Variants in ANHX observed in about 807,000 individuals in gnomAD.
ANHX encodes the protein anomalous homeobox.
In ANHX, 20 loss-of-function variants were observed where a neutral mutation model predicts 38.9. That is an observed-to-expected ratio of 0.51 (90% CI 0.36 to 0.75). The LOEUF (loss-of-function observed/expected upper bound fraction) is 0.75. Among genes scored for constraint, ANHX ranks in the 30% least tolerant of loss-of-function variants. The probability of loss-of-function intolerance (pLI) is 0.00; values close to 1 mark genes in which losing one functional copy is unlikely to be tolerated. For synonymous variants in ANHX, 185 were observed against 203.1 expected, an observed-to-expected ratio of 0.91 and a Z score of 0.76; for missense variants, 475 against 493.1, an observed-to-expected ratio of 0.96 and a Z score of 0.35.
rs569365094 is a variant in ANHX at position 133,227,944 on chromosome 12, G to A, written c.381C>T (p.Asn127=). Residue 127 remains asparagine (N), a synonymous_variant, in exon 4 of 10, where the codon AAC becomes AAT. Coordinates refer to ENST00000545940, the MANE Select transcript of ANHX (RefSeq NM_001372060.1). ...PVQKFRCRKR[N]PPPPSLCPEG... ...CTGGGCAGAGGGAGGGGGGCGGGGG[G>A]TTCCTGGGTAAGGACAGTGAGGAGG... The A allele has an allele frequency of 1.5e-4, 234 of 1,514,646 alleles. No homozygotes were observed. In the Middle Eastern group the frequency reaches 1.9e-3, roughly 12 times the overall value. 93.8% of individuals were successfully genotyped at this position (1,514,646 alleles called of 1,614,324 possible).
chr12:133,224,736 C>A lies in ANHX; in HGVS notation c.1132+800G>T, dbSNP rs185099116. Among the ~76,000 whole-genome samples the A allele has an allele frequency of 2.7e-3, 402 of 148,664 alleles. 1 individual carries two copies. Among genetic ancestry groups the A allele is most frequent in the African/African-American group, 9.0e-3 (361 of 39,998 alleles). On this transcript the variant is annotated intron_variant, in intron 7 of 9. Coordinates refer to ENST00000545940, the MANE Select transcript of ANHX (RefSeq NM_001372060.1). The stretch of plus-strand genomic sequence containing the variant: ...ATCCCAGCACTTTGGGAGGCCGAGG[C>A]GGGCGGATCATGAGGTCAGGAGATC...
At chr12:133,231,341 G>C (rs1957271465) in intron 3 of ANHX, among the ~76,000 whole-genome samples, 176 bp downstream of exon 3, 1 of 152,212 alleles carries the variant, frequency 6.6e-6, no homozygotes, top group African/African-American at 2.4e-5. Context: ...GCACAGGTGT[G>C]ACACACACTG....
chr12:133,234,302 CCGGGGG>C lies in ANHX; in HGVS notation c.49_54del (p.Pro17_Pro18del). The C allele has an allele frequency of 2.0e-6, 3 of 1,536,132 alleles. No homozygotes were observed. Among genetic ancestry groups the C allele is most frequent in the Non-Finnish European group, 2.6e-6 (3 of 1,146,896 alleles). ...CTGCCCGCAAGGGTCACCAGCTCCG[CCGGGGG>C]TGCACAGGTGTCCTCATGCTCCTTC... is the stretch of plus-strand genomic sequence containing the variant. On this transcript the variant is annotated inframe_deletion, in exon 2 of 10. Coordinates refer to ENST00000545940, the MANE Select transcript of ANHX (RefSeq NM_001372060.1).
rs987374846 is a variant in ANHX, at chr12:133,218,618, T to C, written c.*267A>G. 6.4e-6 allele frequency: 2 copies of C among 311,824 alleles called. No homozygotes were observed. The highest frequency in any genetic ancestry group is 4.3e-5 in the African/African-American group (2 of 46,548). The allele number at this position is 311,824 out of a possible 1,614,324, so 19.3% of individuals were successfully genotyped here. ...CACGAGTGCCCCGGAGCCCGACTGA[T>C]CCAGTGCTGCGTGAGTGGGACAGAC... On this transcript the variant is annotated 3_prime_UTR_variant, in exon 10 of 10. Transcript: ENST00000545940.
At chr12:133,223,821 C>A (rs1030790258) in intron 7 of ANHX, among the ~76,000 whole-genome samples, 1 of 151,372 alleles carries the variant, frequency 6.6e-6, no homozygotes, top group Non-Finnish European at 1.5e-5. Context: ...GGACCCTCAG[C>A]GTGAAATTTC....
intron 2 of ANHX, among the ~76,000 whole-genome samples, chr12:133,232,632 C>T (rs1957299152): frequency 6.6e-6 from 1 of 152,208 alleles, no homozygotes. Flanking sequence ...TCCCAGGTCT[C>T]AGCCGCAAGT....
chr12:133,226,571 T>C, intron 5 of ANHX, 133 bp from the exon 6 acceptor site: 1 of 1,319,504 alleles, frequency 7.6e-7, no homozygotes, highest in Non-Finnish European at 1.0e-6. Context: ...TTGCTTCTTG[T>C]CCTGTCTTTG....
chr12:133,218,560 A>C lies in ANHX; in HGVS notation c.*325T>G. 4.9e-6 allele frequency: 1 copy of C among 202,254 alleles called. No homozygotes were observed. Among genetic ancestry groups the C allele is most frequent in the Non-Finnish European group, 9.9e-6 (1 of 101,126 alleles). 12.5% of individuals were successfully genotyped at this position (202,254 alleles called of 1,614,324 possible). The stretch of plus-strand genomic sequence containing the variant: ...GGCAGACGGCAAGGCAGCCAGCAGC[A>C]GAACACTCCCCTCTCTAGAATGGCC... On this transcript the variant is annotated 3_prime_UTR_variant, in exon 10 of 10. Coordinates refer to ENST00000545940, the MANE Select transcript of ANHX (RefSeq NM_001372060.1).
At chr12:133,232,718 C>T (rs1957300917) in intron 2 of ANHX, among the ~76,000 whole-genome samples, 4 of 152,184 alleles carry the variant, frequency 2.6e-5, no homozygotes, top group Admixed American at 2.6e-4. Flanking sequence ...ATCACTGATG[C>T]CAGTGGTTGC....
chr12:133,232,976 G>A (rs573130081), intron 2 of ANHX, among the ~76,000 whole-genome samples: 1 of 151,918 alleles, frequency 6.6e-6, no homozygotes, highest in Non-Finnish European at 1.5e-5. Context: ...TAACGGGGGG[G>A]CAATACTGGA....
intron 2 of ANHX, among the ~76,000 whole-genome samples, chr12:133,233,074 G>A (rs1172841765): frequency 2.0e-5 from 3 of 152,224 alleles, no homozygotes; most frequent in Admixed American, 6.5e-5. Context: ...AGAGCCAGGC[G>A]CCAGCCTCTA....
intron 7 of ANHX, among the ~76,000 whole-genome samples, chr12:133,222,478 G>C (rs1957122751): frequency 6.6e-6 from 1 of 152,156 alleles, no homozygotes; most frequent in South Asian, 2.1e-4. Context: ...GATTCCCACA[G>C]AACATCCCCC....
intron 8 of ANHX, among the ~76,000 whole-genome samples, chr12:133,220,325 G>A (rs188656222): frequency 5.3e-5 from 8 of 152,312 alleles, no homozygotes; most frequent in Non-Finnish European, 1.0e-4. Flanking sequence ...AAGGGGTCGA[G>A]ATGGCCATGT....
At chr12:133,226,213 G>T in intron 6 of ANHX, 105 bp downstream of exon 6, 2 of 1,506,668 alleles carry the variant, frequency 1.3e-6, no homozygotes, top group East Asian at 2.5e-5. Flanking sequence ...ATCCCAGTGT[G>T]GGGGTCCTGT....
chr12:133,219,351 G>GC lies in ANHX; in HGVS notation c.1296_1297insG (p.Pro433AlafsTer28). 1 of 1,533,226 alleles carries GC rather than the reference G, an allele frequency of 6.5e-7. No homozygotes were observed. The highest frequency in any genetic ancestry group is 8.7e-7 in the Non-Finnish European group (1 of 1,145,504). 95.0% of individuals were successfully genotyped at this position (1,533,226 alleles called of 1,614,324 possible). On this transcript the variant is annotated frameshift_variant, in exon 9 of 10. Coordinates refer to ENST00000545940, the MANE Select transcript of ANHX (RefSeq NM_001372060.1). LOFTEE classifies it high-confidence loss of function. ...GGGCCGGGGAAGGCAGATGGGGCTG[G>GC]GGCCAGCTCTGGAGGGCTGGAAAAG...
chr12:133,224,332 A>G (rs1957153728), intron 7 of ANHX, among the ~76,000 whole-genome samples: 1 of 152,224 alleles, frequency 6.6e-6, no homozygotes, highest in Non-Finnish European at 1.5e-5. Flanking sequence ...AAAAAAGCTG[A>G]AGAGAAAAGA....
At chr12:133,234,596 C>G (rs1325104245) in intron 1 of ANHX, 6 of 530,262 alleles carry the variant, frequency 1.1e-5, no homozygotes, top group Non-Finnish European at 1.7e-5. Context: ...TAGTCCTTAA[C>G]GAACACGGCT....
intron 8 of ANHX, among the ~76,000 whole-genome samples, chr12:133,220,369 G>A (rs974366481): frequency 1.2e-4 from 18 of 152,314 alleles, no homozygotes; most frequent in Admixed American, 9.8e-4. Context: ...AGGGGACACC[G>A]TGGCCATGGC....
At position 133,221,569 on chromosome 12, in the gene ANHX, G is replaced by A. The variant is rs1957109085; in HGVS notation, c.1133-217C>T. Among the ~76,000 whole-genome samples, 1 of 152,172 alleles carries A rather than the reference G, an allele frequency of 6.6e-6. No homozygotes were observed. The highest frequency in any genetic ancestry group is 2.4e-5 in the African/African-American group (1 of 41,434). On this transcript the variant is annotated intron_variant, in intron 7 of 9. Coordinates refer to ENST00000545940, the MANE Select transcript of ANHX (RefSeq NM_001372060.1). This position sits in a 1 kb window ranked among gnomAD's most constrained non-coding sequence, Gnocchi z 4.1. ...CTCAACAGCCTTCCAGGCTTCCAGA[G>A]ACCAAGACACGGTTGCTTCTGCTGA...
Sources: gnomAD v4.1 joint callset for allele counts (sites outside exome capture counted in the v4.1 genomes callset) on GRCh38, gnomAD v4.1.1 for gene constraint, Gnocchi (gnomAD v3.1) non-coding constraint, MANE v1.5 for transcripts, NCBI Gene and HGNC (gene_info 2026-07-23, HGNC 2026-07-21) for gene names.